The following MCM4 variants were observed in gnomAD, a reference collection of about 807,000 sequenced individuals.
The protein encoded by MCM4 is DNA replication licensing factor MCM4.
A neutral mutation model predicts 88.7 loss-of-function variants in MCM4; 60 were observed. That is an observed-to-expected ratio of 0.68 (90% CI 0.55 to 0.84). The LOEUF (loss-of-function observed/expected upper bound fraction) is 0.84, where lower values mean the gene tolerates loss of function less well. Ranked by LOEUF, MCM4 falls within the 40% of genes least tolerant of loss-of-function variation. The pLI, the probability that MCM4 is intolerant of heterozygous loss-of-function variation, is 0.00. For synonymous variants in MCM4, 465 were observed against 410.5 expected (o/e 1.13, Z -1.61); for missense variants, 1,149 against 1,105.5 (o/e 1.04, Z -0.56).
chr8:47,961,423 A>T, intron 2 of MCM4, 93 bp from the exon 3 acceptor site: 2 of 1,604,970 alleles, frequency 1.2e-6, no homozygotes, highest in Non-Finnish European at 1.7e-6. Flanking sequence ...GGTTTGGTTC[A>T]GTGGTGAGTC....
Position 47,962,985 on chromosome 8 carries a change from AAC to A in MCM4, c.642_643del (p.Ile215GlnfsTer4). ...GAGCCATTTTTAAATGTGAACTGTG[AAC>A]ACATCAAATCATTTGACAAAAATTT... On this transcript the variant is annotated frameshift_variant, in exon 7 of 17. Transcript: ENST00000649973. LOFTEE classifies it high-confidence loss of function. 6.2e-7 allele frequency: 1 copy of A among 1,608,184 alleles called. No homozygotes were observed.
At position 47,967,410 on chromosome 8, in the gene MCM4, CCA is replaced by C. The variant is rs2154505194; in HGVS notation, c.1106_1107del (p.Thr369SerfsTer8). On this transcript the variant is annotated frameshift_variant, in exon 10 of 17. Transcript: ENST00000649973. LOFTEE classifies it high-confidence loss of function. ...SPEDMPAGQTPHTVILFAHND... is the reference protein window; with the variant it reads ...SPEDMPAGQTXHTVILFAHND... ...GGAAGACATGCCTGCAGGGCAGACA[CCA>C]CACACAGTTATCCTGTTTGCTCACA... 1 of 1,614,196 alleles carries C rather than the reference CCA, an allele frequency of 6.2e-7. No individual in the cohort carries two copies. The highest frequency in any genetic ancestry group is 8.5e-7 in the Non-Finnish European group (1 of 1,180,018).
chr8:47,962,339 C>T lies in MCM4; in HGVS notation c.434C>T (p.Ser145Phe). 1 of 1,614,178 alleles carries T rather than the reference C, an allele frequency of 6.2e-7. No homozygotes were observed. Among genetic ancestry groups the T allele is most frequent in the Non-Finnish European group, 8.5e-7 (1 of 1,180,032 alleles). Residue 145 changes from serine to phenylalanine, a missense_variant, in exon 5 of 17, where the codon TCT (serine) becomes TTT (phenylalanine). Around this residue, in one of 3 missense-constraint regions of MCM4, gnomAD observed 906 missense variants for 843.0 expected, o/e 1.07. Coordinates refer to ENST00000649973, the MANE Select transcript of MCM4 (RefSeq NM_182746.3). The part of the protein sequence containing the change: ...AAEDIVASEQ[S>F]LGQKLVIWGT... Reference sequence around the variant, plus strand: ...GAAGATATAGTGGCAAGTGAGCAGTCTCTAGGCCAAAAACTTGTGATCTGG... The same window carrying T: ...GAAGATATAGTGGCAAGTGAGCAGTTTCTAGGCCAAAAACTTGTGATCTGG...
intron 14 of MCM4, chr8:47,973,778 G>A (rs149913522): frequency 0.012 from 1,828 of 152,380 alleles, 23 homozygotes; most frequent in Non-Finnish European, 0.02. Flanking sequence ...GTGAGCCACC[G>A]CGCCTAGCAA....
chr8:47,963,116 C>A, intron 7 of MCM4, 76 bp downstream of exon 7: 2 of 889,758 alleles, frequency 2.2e-6, no homozygotes, highest in Non-Finnish European at 3.5e-6. Context: ...AGAAATTCTT[C>A]AGTAATGAAG....
chr8:47,972,235 C>CAAA (rs779237498), intron 13 of MCM4, among the ~76,000 whole-genome samples: 9 of 61,966 alleles, frequency 1.5e-4, no homozygotes, highest in Non-Finnish European at 1.8e-4. Context: ...GACTCTGTCT[C>CAAA]AAAAAAAAAA....
Position 47,962,177 on chromosome 8 carries a change from T to C in MCM4, c.360T>C (p.Ser120=). ...TGAGACAGAGGCCTGACCTGGGCTC[T>C]GCACAGAAGGGCCTGCAAGTGGATC... ...TPVRQRPDLG[S]AQKGLQVDLQ... The change falls in exon 4 of 17, where the codon TCT becomes TCC. Residue 120 remains serine, a synonymous_variant. Coordinates refer to ENST00000649973, the MANE Select transcript of MCM4 (RefSeq NM_182746.3). 1 of 1,614,228 alleles carries C rather than the reference T, an allele frequency of 6.2e-7. No homozygotes were observed. Among genetic ancestry groups the C allele is most frequent in the Non-Finnish European group, 8.5e-7 (1 of 1,180,036 alleles).
At chr8:47,962,735 G>A in intron 5 of MCM4, 29 bp from the exon 6 acceptor site, 1 of 1,359,364 alleles carries the variant, frequency 7.4e-7, no homozygotes. Context: ...AATGCTATAT[G>A]CCTAATACAG....
chr8:47,965,035 G>A (rs941268136), intron 8 of MCM4, among the ~76,000 whole-genome samples: 3 of 151,700 alleles, frequency 2.0e-5, no homozygotes, highest in South Asian at 2.1e-4. Flanking sequence ...GGCCAACATG[G>A]CAAAACTCCT....
chr8:47,964,554 C>G lies in MCM4; in HGVS notation c.694-20C>G. 6.4e-7 allele frequency: 1 copy of G among 1,558,274 alleles called. No individual in the cohort carries two copies. Among genetic ancestry groups the G allele is most frequent in the Non-Finnish European group, 8.7e-7 (1 of 1,151,154 alleles). On this transcript the variant is annotated intron_variant, in intron 7 of 16. Transcript: ENST00000649973. ...CACTGAGATATGAATACAAATACAT[C>G]TTCATATTTGTTTTTACAGGAAGTT...
intron 13 of MCM4, among the ~76,000 whole-genome samples, chr8:47,971,695 C>G (rs1434090189): frequency 6.6e-6 from 1 of 152,170 alleles, no homozygotes; most frequent in Non-Finnish European, 1.5e-5. Context: ...GGCTGTCACT[C>G]ACTACTCTTA....
intron 14 of MCM4, 60 bp from the exon 15 acceptor site, chr8:47,974,674 C>T (rs2090986023): frequency 1.4e-6 from 2 of 1,406,414 alleles, no homozygotes; most frequent in Admixed American, 1.8e-5. Context: ...AATTCACCCA[C>T]AAAACTAAAG....
In MCM4 at chr8:47,970,492, C is replaced by A. The variant is rs779524452; in HGVS notation, c.1435-19C>A. On this transcript the variant is annotated intron_variant, in intron 11 of 16. Coordinates refer to ENST00000649973, the MANE Select transcript of MCM4 (RefSeq NM_182746.3). ...ACTGTGCAGAAAATGAATGTTTAGA[C>A]ATGTCTCTGATTATTTAGGGAATTT... 4 of 1,579,308 alleles carry A rather than the reference C, an allele frequency of 2.5e-6. No individual in the cohort carries two copies. Among genetic ancestry groups the A allele is most frequent in the Non-Finnish European group, 3.5e-6 (4 of 1,158,664 alleles).
chr8:47,968,508 T>C (rs1003710562), intron 10 of MCM4, among the ~76,000 whole-genome samples: 3 of 152,176 alleles, frequency 2.0e-5, no homozygotes, highest in African/African-American at 7.2e-5. Flanking sequence ...ATGATACATG[T>C]GTGAGAGTGT....
chr8:47,975,888 T>C, intron 16 of MCM4, 40 bp downstream of exon 16: 2 of 1,399,410 alleles, frequency 1.4e-6, no homozygotes, highest in African/African-American at 3.0e-5. Context: ...TAGAGCTTTC[T>C]CTTTTTCCTT....
intron 15 of MCM4, 148 bp from the exon 16 acceptor site, chr8:47,975,567 A>G: frequency 1.9e-6 from 1 of 516,124 alleles, no homozygotes. Flanking sequence ...GAAATTTCCA[A>G]ATAATTAAAA....
At chr8:47,969,025 G>C (rs2090926572) in intron 10 of MCM4, 1 of 152,286 alleles carries the variant, frequency 6.6e-6, no homozygotes, top group South Asian at 2.1e-4. Flanking sequence ...ACTCAACTTA[G>C]GGAAGTAAAA....
Position 47,966,140 on chromosome 8 carries a change from C to T in MCM4, c.833-47C>T, listed in dbSNP as rs768170872. 3.3e-6 allele frequency: 5 copies of T among 1,508,252 alleles called. No individual in the cohort carries two copies. The African/African-American group carries it at 6.9e-5, about 21-fold the overall frequency. The allele number at this position is 1,508,252 out of a possible 1,614,324, so 93.4% of individuals were successfully genotyped here. On this transcript the variant is annotated intron_variant, in intron 8 of 16. Coordinates refer to ENST00000649973, the MANE Select transcript of MCM4 (RefSeq NM_182746.3). ...TCTGTGATCCCAGCTATTCCTGGAC[C>T]TCCACACCTCAGGTCAGGTGTGCTG...
At position 47,968,405 on chromosome 8, in the gene MCM4, C is replaced by T. The variant is rs184773106; in HGVS notation, c.1174+920C>T. Among the ~76,000 whole-genome samples, 6 of 152,254 alleles carry T rather than the reference C, an allele frequency of 3.9e-5. No individual in the cohort carries two copies. In the East Asian group the frequency reaches 7.7e-4, roughly 20 times the overall value. On this transcript the variant is annotated intron_variant, in intron 10 of 16. Transcript: ENST00000649973. ...AGAATGCGTAGTTTTTAGTGAGTGA[C>T]GTGCGCATTTCCAGTCCTGCTACCC... is the stretch of plus-strand genomic sequence containing the variant.
Sources: allele counts gnomAD v4.1 joint callset (sites outside exome capture counted in the v4.1 genomes callset), GRCh38; gene constraint gnomAD v4.1.1; regional missense constraint gnomAD v4.1.1; transcripts MANE v1.5; gene names NCBI Gene and HGNC (gene_info 2026-07-23, HGNC 2026-07-21).